The following TAF4B variants were observed in gnomAD, a reference collection of about 807,000 sequenced individuals.
TAF4B encodes TATA-box binding protein associated factor 4b, also known as transcription initiation factor TFIID subunit 4B.
Under a neutral mutation model 86.4 loss-of-function variants are expected in TAF4B, and 38 were observed. The observed-to-expected ratio is 0.44, with a 90% confidence interval of 0.34 to 0.58. The LOEUF (loss-of-function observed/expected upper bound fraction) is 0.58, where lower values mean the gene tolerates loss of function less well. Among genes scored for constraint, TAF4B ranks in the 20% least tolerant of loss-of-function variants. The pLI, the probability that TAF4B is intolerant of heterozygous loss-of-function variation, is 0.02. For synonymous variants in TAF4B, 388 were observed against 391.2 expected, an observed-to-expected ratio of 0.99 and a Z score of 0.10; for missense variants, 988 against 1,027.6, an observed-to-expected ratio of 0.96 and a Z score of 0.53.
intron 14 of TAF4B, among the ~76,000 whole-genome samples, chr18:26,368,037 G>A (rs544717476): frequency 6.6e-6 from 1 of 152,236 alleles, no homozygotes; most frequent in East Asian, 1.9e-4. Flanking sequence ...AAAGGTCAAA[G>A]TTCTGTTTTT....
At chr18:26,261,358 G>A (rs1340850270) in intron 1 of TAF4B, among the ~76,000 whole-genome samples, 1 of 151,182 alleles carries the variant, frequency 6.6e-6, no homozygotes, top group Non-Finnish European at 1.5e-5. Context: ...CCGCCACTAC[G>A]CCCGGCTAAT....
intron 14 of TAF4B, among the ~76,000 whole-genome samples, chr18:26,386,696 C>T (rs1978394501): frequency 6.6e-6 from 1 of 152,152 alleles, no homozygotes; most frequent in Admixed American, 6.5e-5. Context: ...TTTCATTGAA[C>T]ATTTTTGTGA....
intron 10 of TAF4B, 80 bp from the exon 11 acceptor site, chr18:26,320,990 G>T: frequency 6.4e-7 from 1 of 1,557,134 alleles, no homozygotes. Flanking sequence ...CTTCCAGGGG[G>T]AACAGAATAC....
At chr18:26,292,416 G>T in intron 8 of TAF4B, 35 bp downstream of exon 8, 2 of 1,580,642 alleles carry the variant, frequency 1.3e-6, no homozygotes, top group South Asian at 1.2e-5. Flanking sequence ...CATCATGCTG[G>T]GTTAGAACAT....
intron 13 of TAF4B, among the ~76,000 whole-genome samples, chr18:26,357,330 T>G (rs1290383744): frequency 1.3e-5 from 2 of 152,224 alleles, no homozygotes; most frequent in Admixed American, 6.5e-5. Flanking sequence ...TAAAGTGAAT[T>G]TAATCTGAAA....
At chr18:26,294,216 A>G (rs1043431010) in intron 9 of TAF4B, among the ~76,000 whole-genome samples, 92 of 152,210 alleles carry the variant, frequency 6.0e-4, no homozygotes, top group African/African-American at 2.1e-3. Flanking sequence ...AAATGACAGT[A>G]TCATTTTGCA....
chr18:26,262,477 CTTTT>C (rs11291283), intron 1 of TAF4B, among the ~76,000 whole-genome samples: 1 of 143,430 alleles, frequency 7.0e-6, no homozygotes. Flanking sequence ...TTTCCAAACA[CTTTT>C]TTTTTTTTTT....
Position 26,249,777 on chromosome 18 carries a change from C to CA in TAF4B, c.344-15392dup, listed in dbSNP as rs576667140. Among the ~76,000 whole-genome samples, 308 of 152,218 alleles carry CA rather than the reference C, an allele frequency of 2.0e-3. 1 individual carries two copies. The highest frequency in any genetic ancestry group is 7.2e-3 in the African/African-American group (299 of 41,524). On this transcript the variant is annotated intron_variant, in intron 1 of 14. Coordinates refer to ENST00000269142, the MANE Select transcript of TAF4B (RefSeq NM_005640.3). The stretch of plus-strand genomic sequence containing the variant: ...TCTTTCTTTCGCCTAGGCTGGAGTG[C>CA]AGTGGCATGACCTCAGTTCATTATA...
intron 13 of TAF4B, among the ~76,000 whole-genome samples, chr18:26,349,302 C>T (rs1252305964): frequency 3.3e-5 from 5 of 151,824 alleles, no homozygotes; most frequent in Admixed American, 2.6e-4. Context: ...CTATTGTTGC[C>T]GTCTCAAAGG....
intron 1 of TAF4B, among the ~76,000 whole-genome samples, chr18:26,238,486 G>A (rs2055784046): frequency 1.3e-5 from 2 of 152,100 alleles, no homozygotes; most frequent in African/African-American, 2.4e-5. Flanking sequence ...CGGGCTTTGG[G>A]CAAAAATTAT....
chr18:26,257,522 G>C lies in TAF4B; in HGVS notation c.344-7648G>C, dbSNP rs545952649. Among the ~76,000 whole-genome samples, 4 of 152,040 alleles carry C rather than the reference G, an allele frequency of 2.6e-5. No individual in the cohort carries two copies. In the East Asian group the frequency reaches 7.7e-4, roughly 29 times the overall value. On this transcript the variant is annotated intron_variant, in intron 1 of 14. Transcript: ENST00000269142. ...TTCTCCCTTTTGACTGGATTATTTT[G>C]TACATTCACATTTGCATTTAATGTT...
At chr18:26,356,479 G>T (rs564579043) in intron 13 of TAF4B, among the ~76,000 whole-genome samples, 3 of 152,118 alleles carry the variant, frequency 2.0e-5, no homozygotes, top group Non-Finnish European at 2.9e-5. Flanking sequence ...AAGACTGACC[G>T]TTTCACCACA....
intron 1 of TAF4B, among the ~76,000 whole-genome samples, chr18:26,234,386 C>T (rs538185253): frequency 6.6e-6 from 1 of 152,326 alleles, no homozygotes; most frequent in African/African-American, 2.4e-5. Context: ...GGGGGTTCTC[C>T]CAGAGGTTGG....
chr18:26,249,604 G>A (rs1442312538), intron 1 of TAF4B, among the ~76,000 whole-genome samples: 1 of 152,120 alleles, frequency 6.6e-6, no homozygotes, highest in Non-Finnish European at 1.5e-5. Flanking sequence ...AAATAAAAAT[G>A]TTATGCACAC....
intron 1 of TAF4B, among the ~76,000 whole-genome samples, chr18:26,242,485 C>T (rs1350579371): frequency 5.3e-5 from 8 of 151,450 alleles, no homozygotes; most frequent in African/African-American, 9.8e-5. Flanking sequence ...TGTCTCTGCA[C>T]GTGAGATGGG....
chr18:26,318,247 T>C (rs1304594770), intron 10 of TAF4B, among the ~76,000 whole-genome samples: 1 of 152,096 alleles, frequency 6.6e-6, no homozygotes, highest in South Asian at 2.1e-4. Context: ...GTTGCCCAGG[T>C]TGATCTTGAA....
intron 1 of TAF4B, among the ~76,000 whole-genome samples, chr18:26,253,252 G>C (rs1471287954): frequency 6.6e-6 from 1 of 152,088 alleles, no homozygotes; most frequent in Non-Finnish European, 1.5e-5. Context: ...GAAAATTTCT[G>C]TTTCTCTTTT....
At chr18:26,299,149 C>T (rs1277454568) in intron 9 of TAF4B, among the ~76,000 whole-genome samples, 1 of 152,090 alleles carries the variant, frequency 6.6e-6, no homozygotes, top group Non-Finnish European at 1.5e-5. Flanking sequence ...GCGTGAGCCA[C>T]CATGCCCAGC....
At chr18:26,327,769 A>G (rs2057016693) in intron 12 of TAF4B, among the ~76,000 whole-genome samples, 1 of 152,134 alleles carries the variant, frequency 6.6e-6, no homozygotes, top group Non-Finnish European at 1.5e-5. Flanking sequence ...GTTTTTTAGT[A>G]GAGACAGGGT....
Sources: allele counts gnomAD v4.1 joint callset (sites outside exome capture counted in the v4.1 genomes callset), GRCh38; gene constraint gnomAD v4.1.1; transcripts MANE v1.5; gene names NCBI Gene and HGNC (gene_info 2026-07-23, HGNC 2026-07-21).